Variants in SPATA6 observed in about 807,000 individuals in gnomAD.
SPATA6 encodes spermatogenesis-associated protein 6.
SPATA6 carries 56 observed loss-of-function variants against 65.3 expected under a neutral mutation model. The observed-to-expected ratio is 0.86, with a 90% CI of 0.69 to 1.07. SPATA6 has a LOEUF of 1.07. Ranked by LOEUF, SPATA6 falls within the 50% of genes least tolerant of loss-of-function variation. SPATA6 has a pLI of 0.00. For synonymous variants in SPATA6, 199 were observed against 213.2 expected, an observed-to-expected ratio of 0.93 and a Z score of 0.58; for missense variants, 590 against 594.8, an observed-to-expected ratio of 0.99 and a Z score of 0.08.
At chr1:48,400,757 T>C (rs1447548154) in intron 6 of SPATA6, 6 of 1,291,580 alleles carry the variant, frequency 4.6e-6, no homozygotes, top group South Asian at 1.3e-5. Context: ...CAATGGTCTA[T>C]GCATTTCATA....
chr1:48,423,730 G>A (rs1653579668), intron 3 of SPATA6, among the ~76,000 whole-genome samples: 1 of 151,838 alleles, frequency 6.6e-6, no homozygotes, highest in Non-Finnish European at 1.5e-5. Flanking sequence ...GTATTTAGTA[G>A]AGATGGGGTT....
intron 9 of SPATA6, among the ~76,000 whole-genome samples, chr1:48,384,330 GAC>G (rs1649182643): frequency 5.4e-5 from 4 of 73,712 alleles, no homozygotes; most frequent in African/African-American, 3.3e-4. Flanking sequence ...ACCGTGGAGG[GAC>G]AGGGACAGGG....
At chr1:48,434,945 A>G (rs1289200028) in intron 3 of SPATA6, among the ~76,000 whole-genome samples, 1 of 151,588 alleles carries the variant, frequency 6.6e-6, no homozygotes, top group Non-Finnish European at 1.5e-5. Context: ...GGCTTTTAAT[A>G]TCATGGGCAT....
At chr1:48,277,368 G>A in the SPATA6 span, among the ~76,000 whole-genome samples, 1 of 152,356 alleles carries the variant, frequency 6.6e-6, no homozygotes, top group South Asian at 2.1e-4. Flanking sequence ...AGCCAAAGCA[G>A]GGCGAGGCAT....
intron 11 of SPATA6, among the ~76,000 whole-genome samples, chr1:48,337,005 T>C (rs1477165576): frequency 2.0e-5 from 3 of 151,974 alleles, no homozygotes; most frequent in Admixed American, 6.6e-5. Context: ...TAATTTTGCA[T>C]AGAAGCTGCC....
rs1426447505 is a variant in SPATA6, at chr1:48,372,018, A to G, written c.910-12248T>C. ...TGGGAATTCTGGGAGATACAATTCA[A>G]GTTAAGATTTGGATGGGAACACAGC... On this transcript the variant is annotated intron_variant, in intron 9 of 12. Coordinates refer to ENST00000371847, the MANE Select transcript of SPATA6 (RefSeq NM_019073.4). Among the ~76,000 whole-genome samples the G allele has an allele frequency of 2.0e-5, 3 of 152,310 alleles. No individual in the cohort carries two copies. In the East Asian group the frequency reaches 5.8e-4, roughly 29 times the overall value.
At chr1:48,441,432 C>T (rs1293327823) in intron 3 of SPATA6, among the ~76,000 whole-genome samples, 1 of 152,206 alleles carries the variant, frequency 6.6e-6, no homozygotes, top group African/African-American at 2.4e-5. Flanking sequence ...TTTTCACATG[C>T]CTTTCTTGTT....
At position 48,366,198 on chromosome 1, in the gene SPATA6, G is replaced by A. The variant is rs528051585; in HGVS notation, c.910-6428C>T. 2.4e-3 allele frequency among the ~76,000 whole-genome samples: 366 copies of A among 152,252 alleles called. 1 individual carries two copies. The highest frequency in any genetic ancestry group is 6.1e-3 in the Admixed American group (94 of 15,292). On this transcript the variant is annotated intron_variant, in intron 9 of 12. Coordinates refer to ENST00000371847, the MANE Select transcript of SPATA6 (RefSeq NM_019073.4). ...ATGTGCTGCTGGATTCGGTTTGCCA[G>A]TATTTTATTGAGGATTTCTGCATCA...
chr1:48,391,950 C>T (rs1650117682), intron 8 of SPATA6, among the ~76,000 whole-genome samples: 1 of 151,834 alleles, frequency 6.6e-6, no homozygotes, highest in Non-Finnish European at 1.5e-5. Context: ...ACTTACTATC[C>T]TTCTTTAAAC....
chr1:48,349,412 T>C (rs950238213), intron 11 of SPATA6, among the ~76,000 whole-genome samples: 1 of 152,026 alleles, frequency 6.6e-6, no homozygotes, highest in Non-Finnish European at 1.5e-5. Flanking sequence ...GTTATTTAGG[T>C]CAGTTAATTT....
At chr1:48,377,754 T>C (rs1648087791) in intron 9 of SPATA6, among the ~76,000 whole-genome samples, 1 of 152,206 alleles carries the variant, frequency 6.6e-6, no homozygotes, top group Non-Finnish European at 1.5e-5. Flanking sequence ...AAAGAGATAT[T>C]AGCAGGGGAA....
At position 48,359,697 on chromosome 1, in the gene SPATA6, G is replaced by A. The variant is rs201878636; in HGVS notation, c.983C>T (p.Ser328Leu). Residue 328 changes from serine to leucine, a missense_variant, in exon 10 of 13, where the codon TCG (serine) becomes TTG (leucine). By Grantham distance (145) the Ser-to-Leu change is moderately radical (BLOSUM62 -2). Coordinates refer to ENST00000371847, the MANE Select transcript of SPATA6 (RefSeq NM_019073.4). ...CGCTGAATGCCGGGGCTTACTACACGACCTTGGGCTCAAATACTCTTCACA... is the reference window on the plus strand; with the variant it reads ...CGCTGAATGCCGGGGCTTACTACACAACCTTGGGCTCAAATACTCTTCACA... ...EKCEEYLSPR[S>L]CSKPRHSART... 6.8e-6 allele frequency: 11 copies of A among 1,613,680 alleles called. No homozygotes were observed. The highest frequency in any genetic ancestry group is 4.5e-5 in the East Asian group (2 of 44,856).
rs1207680892 is a variant in SPATA6, at chr1:48,366,761, G to A, written c.910-6991C>T. On this transcript the variant is annotated intron_variant, in intron 9 of 12. Transcript: ENST00000371847. ...CAAAAAACCAGCTCCTGGATTCATT[G>A]ATTTTTTGAAGGGTTTTTTGTGTCT... Among the ~76,000 whole-genome samples, 4 of 152,116 alleles carry A rather than the reference G, an allele frequency of 2.6e-5. No individual in the cohort carries two copies. In the East Asian group the frequency reaches 5.8e-4, roughly 22 times the overall value.
chr1:48,357,799 A>C (rs758517227), intron 10 of SPATA6, among the ~76,000 whole-genome samples: 2 of 152,168 alleles, frequency 1.3e-5, no homozygotes, highest in Non-Finnish European at 2.9e-5. Context: ...TAGAGACAAG[A>C]TATTTAGAAA....
At chr1:48,304,211 T>G (rs1235529330) in intron 12 of SPATA6, among the ~76,000 whole-genome samples, 4 of 152,322 alleles carry the variant, frequency 2.6e-5, no homozygotes, top group Middle Eastern at 3.4e-3. Context: ...TGAAAGGTCT[T>G]GAAGGACTGA....
chr1:48,378,859 T>C (rs1485566299), intron 9 of SPATA6, among the ~76,000 whole-genome samples: 1 of 152,116 alleles, frequency 6.6e-6, no homozygotes, highest in East Asian at 1.9e-4. Flanking sequence ...AATTGATAAA[T>C]GGATAAAGAA....
chr1:48,311,327 T>C (rs78992678), intron 11 of SPATA6, among the ~76,000 whole-genome samples: 2 of 152,096 alleles, frequency 1.3e-5, no homozygotes, highest in Non-Finnish European at 2.9e-5. Flanking sequence ...AAGGCTCTAA[T>C]TACTAACATC....
Position 48,403,812 on chromosome 1 carries a change from C to G in SPATA6, c.476G>C (p.Cys159Ser). 6.2e-7 allele frequency: 1 copy of G among 1,604,436 alleles called. No individual in the cohort carries two copies. Among genetic ancestry groups the G allele is most frequent in the South Asian group, 1.1e-5 (1 of 89,166 alleles). Residue 159 changes from cysteine (C) to serine (S), a missense_variant, in exon 6 of 13, where the codon TGC becomes TCC. Coordinates refer to ENST00000371847, the MANE Select transcript of SPATA6 (RefSeq NM_019073.4). ...ACAAATAATTTTAACCTGAGTGTGG[C>G]ATTTCCTTGAACTTATCAGACATTC... ...ITECLISSRK[C>S]HTQDKFIYHL...
chr1:48,419,382 A>G (rs1653106984), intron 3 of SPATA6, among the ~76,000 whole-genome samples: 1 of 152,246 alleles, frequency 6.6e-6, no homozygotes, highest in Non-Finnish European at 1.5e-5. Flanking sequence ...GGAGTAGAAT[A>G]AAGAAATAAG....
Sources: gnomAD v4.1 joint callset for allele counts (sites outside exome capture counted in the v4.1 genomes callset) on GRCh38, gnomAD v4.1.1 for gene constraint, MANE v1.5 for transcripts, NCBI Gene and HGNC (gene_info 2026-07-23, HGNC 2026-07-21) for gene names.